Variants in RALGDS observed in about 807,000 individuals in gnomAD.
RALGDS encodes the protein ral guanine nucleotide dissociation stimulator.
A neutral mutation model predicts 99.8 loss-of-function variants in RALGDS; 44 were observed. The ratio of observed to expected loss-of-function variants is 0.44; its 90% confidence interval spans 0.35 to 0.57. The LOEUF (loss-of-function observed/expected upper bound fraction) is 0.57, where lower values mean the gene tolerates loss of function less well. Ranked by LOEUF, RALGDS falls within the 20% of genes least tolerant of loss-of-function variation. The pLI is 0.01. For missense variants in RALGDS, 1,022 were observed against 1,203.1 expected, an observed-to-expected ratio of 0.85 and a Z score of 2.23; for synonymous variants, 529 against 505.0, an observed-to-expected ratio of 1.05 and a Z score of -0.64.
At chr9:133,099,643 TATAC>T (rs1294728734) in intron 17 of RALGDS, 1 of 13,170 alleles carries the variant, frequency 7.6e-5, no homozygotes, top group South Asian at 6.0e-3. Flanking sequence ...TATACACATA[TATAC>T]ATACATATAC....
intron 10 of RALGDS, 34 bp from the exon 11 acceptor site, chr9:133,103,867 C>A: frequency 2.5e-6 from 4 of 1,593,836 alleles, no homozygotes; most frequent in Non-Finnish European, 3.4e-6. Flanking sequence ...GAGCAAGGCC[C>A]CTCCCCTGAA....
At chr9:133,108,552 G>A in intron 5 of RALGDS, 121 bp downstream of exon 5, 1 of 1,434,140 alleles carries the variant, frequency 7.0e-7, no homozygotes. Flanking sequence ...GTCCCTGCCT[G>A]TGTGGTCTGA....
At chr9:133,101,835 A>T in intron 15 of RALGDS, 73 bp from the exon 16 acceptor site, 1 of 1,553,414 alleles carries the variant, frequency 6.4e-7, no homozygotes, top group Admixed American at 2.0e-5. Context: ...CAGATGGGGA[A>T]CCTTCTAGAA....
In RALGDS at chr9:133,108,223, GGCTCTGGAGCCTGCTGGA is replaced by G. The variant is rs750004736; in HGVS notation, c.944_961del (p.Leu315_Glu320del). 10 of 1,612,364 alleles carry G rather than the reference GGCTCTGGAGCCTGCTGGA, an allele frequency of 6.2e-6. No individual in the cohort carries two copies. The highest frequency in any genetic ancestry group is 8.5e-6 in the Non-Finnish European group (10 of 1,179,450). ...TGGAGCCGATTCTAGTCCCACAGCT[GGCTCTGGAGCCTGCTGGA>G]GCTCCGGAGCTGGTGCTGGAGCTAC... On this transcript the variant is annotated inframe_deletion, in exon 6 of 18. Transcript: ENST00000372050.
intron 17 of RALGDS, chr9:133,099,688 A>G (rs144106143): frequency 5.9e-6 from 1 of 169,744 alleles, no homozygotes; most frequent in Admixed American, 5.5e-5. Context: ...ATTTTTACAT[A>G]TATGATGAAC....
In RALGDS at chr9:133,103,914, G is replaced by A. The variant is rs1036360330; in HGVS notation, c.1672-81C>T. On this transcript the variant is annotated intron_variant, in intron 10 of 17. Transcript: ENST00000372050. ...CCCCCAGCCCCAACTGGTCTCACTT[G>A]GAACAGCTGGGGGACCTCTGGGGGC... 6 of 1,374,996 alleles carry A rather than the reference G, an allele frequency of 4.4e-6. No individual in the cohort carries two copies. The African/African-American group carries it at 5.7e-5, about 13-fold the overall frequency. The allele number at this position is 1,374,996 out of a possible 1,614,324, so 85.2% of individuals were successfully genotyped here. A position where few individuals can be genotyped will look rare whatever the true frequency, so the allele number is the denominator to read the frequency against.
At chr9:133,133,547 C>T (rs755151993), upstream of RALGDS, among the ~76,000 whole-genome samples, 2 of 152,236 alleles carry the variant, frequency 1.3e-5, no homozygotes, top group Non-Finnish European at 2.9e-5. Flanking sequence ...ACAGCCGAGG[C>T]GCTGGGGCCT....
intron 1 of RALGDS, 23 bp downstream of exon 1, chr9:133,120,949 C>A: frequency 6.8e-7 from 1 of 1,474,770 alleles, no homozygotes; most frequent in East Asian, 2.9e-5. Flanking sequence ...GCACCCCCCG[C>A]CCGACCGCCC....
At chr9:133,100,990 G>A (rs1830729782) in intron 16 of RALGDS, 1 of 1,052,654 alleles carries the variant, frequency 9.5e-7, no homozygotes, top group Admixed American at 5.0e-5. Context: ...TCTGTCGCAG[G>A]ACACCTGGAG....
At chr9:133,127,391 C>G (rs78325152) in intron 1 of RALGDS, among the ~76,000 whole-genome samples, 4,627 of 152,366 alleles carry the variant, frequency 0.03, 221 homozygotes, top group African/African-American at 0.11. Context: ...TGACTCAGGT[C>G]AGGCCCTGGT....
At chr9:133,133,738 C>A (rs1030148765), upstream of RALGDS, among the ~76,000 whole-genome samples, 11 of 152,238 alleles carry the variant, frequency 7.2e-5, no homozygotes, top group African/African-American at 2.7e-4. Context: ...CCAGTGGTCC[C>A]ACGATGCTCT....
At chr9:133,116,932 A>T (rs990464253) in intron 1 of RALGDS, among the ~76,000 whole-genome samples, 5 of 152,232 alleles carry the variant, frequency 3.3e-5, no homozygotes, top group Non-Finnish European at 4.4e-5. Context: ...GGGGCCAGAG[A>T]CAGGAAGGAT....
chr9:133,144,076 G>A lies in RALGDS; in HGVS notation c.18+4887C>T, dbSNP rs1270277069. ...GGTCTGGGGCTGGGGTTGGGGGGAAGGACCCCTCAAGTCTCTATCTGCACA... is the reference window on the plus strand; with the variant it reads ...GGTCTGGGGCTGGGGTTGGGGGGAAAGACCCCTCAAGTCTCTATCTGCACA... On this transcript the variant is annotated intron_variant, in intron 1 of 17. Coordinates refer to the RALGDS transcript ENST00000393160. The surrounding 1 kb of genome is among the most constrained non-coding windows in gnomAD (Gnocchi z 4.5). Among the ~76,000 whole-genome samples, 2 of 152,116 alleles carry A rather than the reference G, an allele frequency of 1.3e-5. No individual in the cohort carries two copies. Among genetic ancestry groups the A allele is most frequent in the African/African-American group, 2.4e-5 (1 of 41,420 alleles).
intron 1 of RALGDS, among the ~76,000 whole-genome samples, chr9:133,113,677 G>GA (rs1187977225): frequency 6.6e-6 from 1 of 152,090 alleles, no homozygotes; most frequent in African/African-American, 2.4e-5. Context: ...TTGTTCCTTT[G>GA]AAAAGAAAAG....
chr9:133,104,175 C>T, intron 10 of RALGDS, 88 bp downstream of exon 10: 1 of 1,373,198 alleles, frequency 7.3e-7, no homozygotes, highest in South Asian at 1.2e-5. Flanking sequence ...CTAATGGGGC[C>T]CATAGGCACC....
At chr9:133,107,925 C>G in intron 6 of RALGDS, 63 bp downstream of exon 6, 3 of 1,587,542 alleles carry the variant, frequency 1.9e-6, no homozygotes, top group Non-Finnish European at 2.6e-6. Context: ...AATGGTAGGT[C>G]TGGGACAGCA....
intron 16 of RALGDS, 49 bp downstream of exon 16, chr9:133,101,471 C>A (rs750802563): frequency 6.2e-6 from 10 of 1,607,452 alleles, no homozygotes; most frequent in Non-Finnish European, 8.5e-6. Context: ...GTTCAGGGTG[C>A]ATTTGCCGCC....
rs1339903170 is a variant in RALGDS, at chr9:133,102,350, T to C, written c.2009+126A>G. 5.0e-6 allele frequency: 6 copies of C among 1,189,604 alleles called. No homozygotes were observed. The Admixed American group carries it at 1.2e-4, about 23-fold the overall frequency. 73.7% of individuals were successfully genotyped at this position (1,189,604 alleles called of 1,614,324 possible). On this transcript the variant is annotated intron_variant, in intron 14 of 17. Transcript: ENST00000372050. Reference sequence around the variant, plus strand: ...AAAGGTGAGGGGACTCATCCCAGTCTCAGGGCCAGTCAGCAGCAGGGTAGG... The same window carrying C: ...AAAGGTGAGGGGACTCATCCCAGTCCCAGGGCCAGTCAGCAGCAGGGTAGG...
At chr9:133,113,920 G>A (rs1195491463) in intron 1 of RALGDS, among the ~76,000 whole-genome samples, 1 of 152,230 alleles carries the variant, frequency 6.6e-6, no homozygotes. Context: ...CATTAACCCT[G>A]GGGGAGCCCA....
Sources: gnomAD v4.1 joint callset for allele counts (sites outside exome capture counted in the v4.1 genomes callset) on GRCh38, gnomAD v4.1.1 for gene constraint, Gnocchi (gnomAD v3.1) non-coding constraint, MANE v1.5 for transcripts, NCBI Gene and HGNC (gene_info 2026-07-23, HGNC 2026-07-21) for gene names.